Variants in CDK14 observed in about 807,000 individuals in gnomAD.
CDK14 encodes the protein cyclin-dependent kinase 14.
Under a neutral mutation model 60.7 loss-of-function variants are expected in CDK14, and 34 were observed. That is an observed-to-expected ratio of 0.56 (90% CI 0.43 to 0.75). The LOEUF is 0.75. Ranked by LOEUF, CDK14 falls within the 30% of genes least tolerant of loss-of-function variation. The probability of loss-of-function intolerance (pLI) is 0.00; values close to 1 mark genes in which losing one functional copy is unlikely to be tolerated. For synonymous variants in CDK14, 197 were observed against 203.7 expected, an observed-to-expected ratio of 0.97 and a Z score of 0.28; for missense variants, 482 against 564.1, an observed-to-expected ratio of 0.85 and a Z score of 1.47.
intron 2 of CDK14, among the ~76,000 whole-genome samples, chr7:90,725,699 C>G (rs1802611346): frequency 6.6e-6 from 1 of 151,968 alleles, no homozygotes; most frequent in Admixed American, 6.6e-5. Flanking sequence ...ACAGACAAGC[C>G]AGAGGCCATC....
intron 8 of CDK14, among the ~76,000 whole-genome samples, chr7:90,940,569 T>G (rs1793894110): frequency 6.6e-6 from 1 of 152,132 alleles, no homozygotes; most frequent in African/African-American, 2.4e-5. Flanking sequence ...GTGGATCACT[T>G]GAGTCCAGGA....
chr7:90,869,196 T>C (rs117036615), intron 6 of CDK14, among the ~76,000 whole-genome samples: 2,873 of 152,326 alleles, frequency 0.019, 44 homozygotes, highest in Non-Finnish European at 0.03. Flanking sequence ...CAATTGAACA[T>C]TTTTCTGCTT....
At chr7:90,668,709 T>A (rs971359135) in intron 2 of CDK14, among the ~76,000 whole-genome samples, 4 of 131,916 alleles carry the variant, frequency 3.0e-5, no homozygotes, top group African/African-American at 1.2e-4. Flanking sequence ...CTTTTTTTTT[T>A]TTTTTTTTTT....
chr7:90,962,491 GA>G (rs947122629), intron 9 of CDK14, among the ~76,000 whole-genome samples: 221 of 141,572 alleles, frequency 1.6e-3, no homozygotes, highest in East Asian at 5.3e-3. Context: ...GTCTCAAAAA[GA>G]AAAAAAAAAA....
intron 5 of CDK14, among the ~76,000 whole-genome samples, chr7:90,853,868 G>A (rs1023657143): frequency 6.6e-6 from 1 of 152,134 alleles, no homozygotes; most frequent in Non-Finnish European, 1.5e-5. Context: ...GTTGGTTGGA[G>A]GGCCATACTT....
intron 2 of CDK14, among the ~76,000 whole-genome samples, chr7:90,647,510 C>CT (rs35863423): frequency 0.76 from 111,633 of 147,686 alleles, 42,562 homozygotes; most frequent in East Asian, 0.96. Context: ...ATTTTTTTAT[C>CT]TTTTTTTTTT....
At chr7:90,823,134 G>T (rs1469068345) in intron 5 of CDK14, among the ~76,000 whole-genome samples, 1 of 152,122 alleles carries the variant, frequency 6.6e-6, no homozygotes, top group Non-Finnish European at 1.5e-5. Context: ...GTTCTAGGGA[G>T]GACTTGGAGG....
intron 6 of CDK14, among the ~76,000 whole-genome samples, chr7:90,866,631 C>T (rs1384419439): frequency 4.6e-5 from 7 of 152,124 alleles, no homozygotes; most frequent in Non-Finnish European, 7.4e-5. Context: ...GTGAAGGATT[C>T]TTATTTATAA....
At chr7:90,991,327 A>C (rs1420309571) in intron 10 of CDK14, among the ~76,000 whole-genome samples, 10 of 152,098 alleles carry the variant, frequency 6.6e-5, no homozygotes, top group Non-Finnish European at 1.5e-4. Context: ...TGGTTCCCAC[A>C]TCGTATTAGT....
chr7:90,789,969 G>T (rs1805758920), intron 4 of CDK14, among the ~76,000 whole-genome samples: 1 of 151,712 alleles, frequency 6.6e-6, no homozygotes, highest in African/African-American at 2.4e-5. Flanking sequence ...TAGGTCTTGT[G>T]TAATCTTGTA....
At chr7:91,147,178 A>T (rs866291608) in intron 14 of CDK14, among the ~76,000 whole-genome samples, 2,767 of 96,276 alleles carry the variant, frequency 0.029, 24 homozygotes, top group Non-Finnish European at 0.053. Flanking sequence ...ACACACACAC[A>T]CACACACACA....
chr7:90,724,249 A>G (rs1414876226), intron 2 of CDK14, among the ~76,000 whole-genome samples: 1 of 151,952 alleles, frequency 6.6e-6, no homozygotes, highest in Non-Finnish European at 1.5e-5. Context: ...TTTGTAGAAC[A>G]TCTGTAGTGA....
intron 8 of CDK14, among the ~76,000 whole-genome samples, chr7:90,945,860 G>A (rs116131285): frequency 7.7e-4 from 118 of 152,300 alleles, no homozygotes; most frequent in African/African-American, 2.6e-3. Flanking sequence ...CACACATCTT[G>A]TAAGTGGCAG....
chr7:91,196,035 G>A (rs1017952735), intron 14 of CDK14, among the ~76,000 whole-genome samples: 19 of 152,088 alleles, frequency 1.2e-4, no homozygotes, highest in African/African-American at 4.6e-4. Flanking sequence ...AAATTGTTAC[G>A]TACTTTTCAG....
intron 2 of CDK14, among the ~76,000 whole-genome samples, chr7:90,641,855 G>T (rs901582633): frequency 2.6e-5 from 4 of 152,222 alleles, no homozygotes; most frequent in Non-Finnish European, 5.9e-5. Context: ...TGGACTTACA[G>T]TTCCACGTGG....
chr7:90,724,758 C>T (rs1026123435), intron 2 of CDK14, among the ~76,000 whole-genome samples: 2 of 151,936 alleles, frequency 1.3e-5, no homozygotes, highest in Non-Finnish European at 2.9e-5. Flanking sequence ...CGTGCCCTTA[C>T]ATTTTTTTTT....
chr7:90,743,247 T>C (rs1169500459), intron 3 of CDK14, among the ~76,000 whole-genome samples: 1 of 152,142 alleles, frequency 6.6e-6, no homozygotes, highest in Non-Finnish European at 1.5e-5. Flanking sequence ...AATATATCTA[T>C]CATCTCATAT....
At chr7:91,070,203 C>A (rs1798097928) in intron 11 of CDK14, among the ~76,000 whole-genome samples, 1 of 152,184 alleles carries the variant, frequency 6.6e-6, no homozygotes, top group Non-Finnish European at 1.5e-5. Flanking sequence ...GTTTGCTTTG[C>A]TAGAACACTT....
intron 3 of CDK14, among the ~76,000 whole-genome samples, chr7:90,728,998 C>G (rs1255192107): frequency 6.6e-6 from 1 of 151,598 alleles, no homozygotes; most frequent in Non-Finnish European, 1.5e-5. Context: ...CAAGAAGGGA[C>G]TGAGGACCCT....
Sources: allele counts gnomAD v4.1 joint callset (sites outside exome capture counted in the v4.1 genomes callset), GRCh38; gene constraint gnomAD v4.1.1; transcripts MANE v1.5; gene names NCBI Gene and HGNC (gene_info 2026-07-23, HGNC 2026-07-21).